The following SLC39A11 variants were observed in gnomAD, a reference collection of about 807,000 sequenced individuals.
SLC39A11 encodes solute carrier family 39 member 11, also known as zinc transporter ZIP11.
A neutral mutation model predicts 36.1 loss-of-function variants in SLC39A11; 33 were observed. That is an observed-to-expected ratio of 0.91 (90% CI 0.69 to 1.22). The LOEUF (loss-of-function observed/expected upper bound fraction) is 1.22. SLC39A11 is among the 50% of genes most tolerant of loss of function. SLC39A11 has a pLI of 0.00. For synonymous variants in SLC39A11, 166 were observed against 170.3 expected, an observed-to-expected ratio of 0.97 and a Z score of 0.20; for missense variants, 432 against 430.3, an observed-to-expected ratio of 1.00 and a Z score of -0.03.
chr17:73,021,500 C>A (rs928413988), intron 4 of SLC39A11, among the ~76,000 whole-genome samples: 1 of 152,042 alleles, frequency 6.6e-6, no homozygotes, highest in African/African-American at 2.4e-5. Context: ...CACCACCATG[C>A]CCGGCTAACT....
At chr17:72,697,660 C>G (rs1327121277) in intron 7 of SLC39A11, among the ~76,000 whole-genome samples, 1 of 152,122 alleles carries the variant, frequency 6.6e-6, no homozygotes, top group Non-Finnish European at 1.5e-5. Flanking sequence ...CTAAGTCCTC[C>G]CTCTGAGAAA....
intron 6 of SLC39A11, among the ~76,000 whole-genome samples, chr17:72,767,726 T>G (rs528301390): frequency 6.6e-6 from 1 of 152,254 alleles, no homozygotes; most frequent in East Asian, 1.9e-4. Context: ...AGCACCAAAG[T>G]GAATGCTTAG....
chr17:72,830,947 G>A (rs1190095380), intron 6 of SLC39A11, among the ~76,000 whole-genome samples: 8 of 152,130 alleles, frequency 5.3e-5, no homozygotes, highest in African/African-American at 1.9e-4. Flanking sequence ...TGAAGAGGAG[G>A]CTGACCCTTG....
chr17:72,783,494 C>T (rs1241369487), intron 6 of SLC39A11, among the ~76,000 whole-genome samples: 1 of 152,240 alleles, frequency 6.6e-6, no homozygotes, highest in Non-Finnish European at 1.5e-5. Context: ...AAAGTCTGAA[C>T]ATGCTGAGTT....
At chr17:72,728,848 T>C (rs912630869) in intron 7 of SLC39A11, among the ~76,000 whole-genome samples, 4 of 152,090 alleles carry the variant, frequency 2.6e-5, no homozygotes, top group East Asian at 1.9e-4. Context: ...TTAACCTACG[T>C]CTCCTTGTCA....
intron 5 of SLC39A11, among the ~76,000 whole-genome samples, chr17:72,906,180 C>A (rs997878136): frequency 2.0e-5 from 3 of 152,200 alleles, no homozygotes; most frequent in African/African-American, 4.8e-5. Context: ...GGAGAGAGGG[C>A]AGATCCAAGG....
At chr17:72,776,846 C>A (rs1402620566) in intron 6 of SLC39A11, among the ~76,000 whole-genome samples, 2 of 152,194 alleles carry the variant, frequency 1.3e-5, no homozygotes, top group Non-Finnish European at 2.9e-5. Context: ...AGCTGGTCCA[C>A]AGTAAATCGA....
intron 3 of SLC39A11, among the ~76,000 whole-genome samples, chr17:73,081,687 A>ATG (rs1174589639): frequency 6.8e-6 from 1 of 148,054 alleles, no homozygotes; most frequent in African/African-American, 2.5e-5. Flanking sequence ...ATACACATAT[A>ATG]TGTATATATG....
At chr17:72,855,198 C>T (rs746027821) in intron 5 of SLC39A11, among the ~76,000 whole-genome samples, 4 of 152,300 alleles carry the variant, frequency 2.6e-5, no homozygotes, top group African/African-American at 7.2e-5. Flanking sequence ...GATTCAAGAA[C>T]GTCAGACTGA....
rs564178041 is a variant in SLC39A11, at chr17:72,673,526, A to T, written c.672-24258T>A. ...GTAATAGAATTCCTGTGAGAAAAAG[A>T]TTTACCATCCAGAGAACAATGTTTG... On this transcript the variant is annotated intron_variant, in intron 7 of 9. Transcript: ENST00000255559. Among the ~76,000 whole-genome samples the T allele has an allele frequency of 2.0e-4, 31 of 152,012 alleles. No individual in the cohort carries two copies. The East Asian group carries it at 5.6e-3, about 27-fold the overall frequency.
chr17:72,975,339 T>G (rs1010685891), intron 4 of SLC39A11, among the ~76,000 whole-genome samples: 74 of 152,334 alleles, frequency 4.9e-4, no homozygotes, highest in African/African-American at 1.7e-3. Context: ...CTTTGGAGGC[T>G]GAGCCAGAAG....
intron 5 of SLC39A11, among the ~76,000 whole-genome samples, chr17:72,892,745 A>G (rs193027064): frequency 1.3e-5 from 2 of 152,326 alleles, no homozygotes; most frequent in East Asian, 3.9e-4. Context: ...CAACCAGTAA[A>G]CTGGATAATA....
chr17:72,976,915 A>T (rs2148120278), intron 4 of SLC39A11, among the ~76,000 whole-genome samples: 1 of 152,308 alleles, frequency 6.6e-6, no homozygotes, highest in South Asian at 2.1e-4. Flanking sequence ...TATTGTAACC[A>T]ATGTTACAAA....
At chr17:72,850,777 C>T (rs1324554360) in intron 5 of SLC39A11, among the ~76,000 whole-genome samples, 10 of 152,178 alleles carry the variant, frequency 6.6e-5, no homozygotes, top group Admixed American at 3.9e-4. Context: ...TCTGAAAGTA[C>T]TTAGAATGTA....
chr17:72,776,622 A>AAC (rs1555668748), intron 6 of SLC39A11, among the ~76,000 whole-genome samples: 1 of 151,068 alleles, frequency 6.6e-6, no homozygotes, highest in Non-Finnish European at 1.5e-5. Flanking sequence ...AAAAAAAAAA[A>AAC]AAAAAAACAG....
intron 4 of SLC39A11, among the ~76,000 whole-genome samples, chr17:72,973,799 G>A (rs948848739): frequency 2.6e-5 from 4 of 152,146 alleles, no homozygotes; most frequent in African/African-American, 7.2e-5. Flanking sequence ...GGGCTCAAGC[G>A]ATCCACGTAC....
In SLC39A11 at chr17:72,669,863, C is replaced by T. The variant is rs565056494; in HGVS notation, c.672-20595G>A. On this transcript the variant is annotated intron_variant, in intron 7 of 9. Coordinates refer to ENST00000255559, the MANE Select transcript of SLC39A11 (RefSeq NM_139177.4). ...AACTATATGTATACATACACACACA[C>T]GTATATATACATATACACGTATAGA... 9.2e-5 allele frequency among the ~76,000 whole-genome samples: 14 copies of T among 151,486 alleles called. No homozygotes were observed. In the South Asian group the frequency reaches 1.7e-3, roughly 18 times the overall value.
At chr17:73,013,317 A>ACCT (rs112346419) in intron 4 of SLC39A11, among the ~76,000 whole-genome samples, 137,277 of 152,040 alleles carry the variant, frequency 0.9, 63,644 homozygotes, top group East Asian at 1. Context: ...CGAACTCCTG[A>ACCT]CCTCCGGCGA....
chr17:72,800,303 ATTTTTTTTTTTTT>A (rs34172959), intron 6 of SLC39A11, among the ~76,000 whole-genome samples: 1 of 90,368 alleles, frequency 1.1e-5, no homozygotes, highest in Non-Finnish European at 2.3e-5. Flanking sequence ...ACCTACAATA[ATTTTTTTTTTTTT>A]TTTTTTTTTT....
Sources: allele counts gnomAD v4.1 joint callset (sites outside exome capture counted in the v4.1 genomes callset), GRCh38; gene constraint gnomAD v4.1.1; transcripts MANE v1.5; gene names NCBI Gene and HGNC (gene_info 2026-07-23, HGNC 2026-07-21).